PHF12: variants seen among roughly 807,000 people sequenced by gnomAD.
PHF12 encodes the protein PHD factor 1.
Under a neutral mutation model 99.8 loss-of-function variants are expected in PHF12, and 6 were observed. The ratio of observed to expected loss-of-function variants is 0.06; its 90% CI spans 0.03 to 0.12. PHF12 has a LOEUF of 0.12. Among genes scored for constraint, PHF12 ranks in the 10% least tolerant of loss-of-function variants. The pLI is 1.00. For synonymous variants in PHF12, 480 were observed against 514.9 expected, an observed-to-expected ratio of 0.93 and a Z score of 0.92; for missense variants, 954 against 1,300.1, an observed-to-expected ratio of 0.73 and a Z score of 4.09.
intron 3 of PHF12, chr17:28,925,861 TCCA>T (rs2152668194): frequency 1.3e-5 from 2 of 152,362 alleles, no homozygotes; most frequent in South Asian, 2.1e-4. Flanking sequence ...TTTCCTTTTC[TCCA>T]CCGTCTTTAC....
In PHF12 at chr17:28,919,288, G is replaced by C; in HGVS notation, c.837-13C>G. On this transcript the variant is annotated splice_polypyrimidine_tract_variant and intron_variant, in intron 5 of 14. Transcript: ENST00000332830. ...CACACGGCAACTCCTGCAAAAAAGAGATGTTGGCCATTTCTGTGGCAAGAA... is the reference window on the plus strand; with the variant it reads ...CACACGGCAACTCCTGCAAAAAAGACATGTTGGCCATTTCTGTGGCAAGAA... The C allele has an allele frequency of 6.2e-7, 1 of 1,611,238 alleles. No homozygotes were observed. The highest frequency in any genetic ancestry group is 1.1e-5 in the South Asian group (1 of 90,898).
At position 28,912,698 on chromosome 17, in the gene PHF12, G is replaced by A. The variant is rs767685140; in HGVS notation, c.1873C>T (p.Pro625Ser). 6 of 1,614,112 alleles carry A rather than the reference G, an allele frequency of 3.7e-6. No homozygotes were observed. The highest frequency in any genetic ancestry group is 2.5e-6 in the Non-Finnish European group (3 of 1,180,050). The change falls in exon 9 of 15, where the codon CCC becomes TCC. Residue 625 changes from proline (P) to serine (S), a missense_variant. Around this residue, in one of 8 missense-constraint regions of PHF12, gnomAD observed 392 missense variants for 423.1 expected, o/e 0.93. Transcript: ENST00000332830. ...GCACAAGAGCTGGGAATGGAAGGGG[G>A]CAGGCTTGGGACAGGAACCAAACTC... ...QRSLVPVPSL[P>S]PSIPSSCASI... is the part of the protein sequence containing the mutation.
intron 2 of PHF12, among the ~76,000 whole-genome samples, chr17:28,927,322 T>C (rs1021064311): frequency 6.6e-6 from 1 of 152,060 alleles, no homozygotes; most frequent in African/African-American, 2.4e-5. Context: ...ATAAAATAAC[T>C]GAGAGGTCCT....
chr17:28,921,591 G>T, intron 5 of PHF12, 97 bp downstream of exon 5: 1 of 1,448,374 alleles, frequency 6.9e-7, no homozygotes, highest in Non-Finnish European at 9.5e-7. Context: ...AATATGGGCT[G>T]TTCACATTTA....
chr17:28,930,938 G>A (rs2040387760), intron 2 of PHF12, among the ~76,000 whole-genome samples: 1 of 152,156 alleles, frequency 6.6e-6, no homozygotes. Flanking sequence ...CAGGTGAGGC[G>A]GCATGAGCCT....
rs188805936 is a variant in PHF12, at chr17:28,945,391, T to C, written c.248+4674A>G. The C allele has an allele frequency of 2.0e-5, 3 of 152,334 alleles. No individual in the cohort carries two copies. In the East Asian group the frequency reaches 5.8e-4, roughly 29 times the overall value. 9.4% of individuals were successfully genotyped at this position (152,334 alleles called of 1,614,324 possible). Reference sequence around the variant, plus strand: ...GTGCACAGAGACCTTTTTACTCTCATTCTTCGAAAACCTCATTTTGGATCT... The same window carrying C: ...GTGCACAGAGACCTTTTTACTCTCACTCTTCGAAAACCTCATTTTGGATCT... On this transcript the variant is annotated intron_variant, in intron 2 of 14. Transcript: ENST00000332830.
intron 11 of PHF12, chr17:28,909,358 A>G (rs75423054): frequency 0.016 from 2,493 of 157,706 alleles, 58 homozygotes; most frequent in African/African-American, 0.057. Context: ...CAAAAAACCA[A>G]TGCATTGAGC....
intron 13 of PHF12, 191 bp downstream of exon 13, chr17:28,907,399 A>G (rs909425980): frequency 1.7e-6 from 1 of 593,838 alleles, no homozygotes; most frequent in African/African-American, 1.9e-5. Context: ...TGCTCCTGGG[A>G]AGCAGGTAGC....
intron 5 of PHF12, among the ~76,000 whole-genome samples, chr17:28,920,799 G>C (rs1332278621): frequency 2.0e-5 from 3 of 152,224 alleles, no homozygotes; most frequent in Admixed American, 6.5e-5. Context: ...CTGACCTCAT[G>C]ATCTGCCCGC....
At chr17:28,919,891 T>G (rs1458239457) in intron 5 of PHF12, among the ~76,000 whole-genome samples, 1 of 152,100 alleles carries the variant, frequency 6.6e-6, no homozygotes, top group Non-Finnish European at 1.5e-5. Context: ...AGTGGCAGAG[T>G]AGGGATGATC....
intron 2 of PHF12, among the ~76,000 whole-genome samples, chr17:28,944,314 T>G (rs2040681552): frequency 6.6e-6 from 1 of 152,334 alleles, no homozygotes; most frequent in East Asian, 1.9e-4. Flanking sequence ...AGGCCTTAAG[T>G]GAAAAATTTC....
chr17:28,919,072 T>C, intron 6 of PHF12, 71 bp downstream of exon 6: 2 of 1,513,818 alleles, frequency 1.3e-6, no homozygotes, highest in Non-Finnish European at 1.8e-6. Context: ...CTGACCTTAA[T>C]ATGCTTTCTG....
At position 28,951,199 on chromosome 17, in the gene PHF12, A is replaced by C. The variant is rs1267622615; in HGVS notation, c.-239T>G. On this transcript the variant is annotated 5_prime_UTR_variant, in exon 1 of 15. Coordinates refer to ENST00000332830, the MANE Select transcript of PHF12 (RefSeq NM_001033561.2). ...CAGTCCCGGCCCGGCTGCTGGCTGC[A>C]CAGTGGGTCCCGGCTCCGGGGGTCA... 7.2e-7 allele frequency: 1 copy of C among 1,384,888 alleles called. No individual in the cohort carries two copies. Among genetic ancestry groups the C allele is most frequent in the Non-Finnish European group, 9.3e-7 (1 of 1,072,046 alleles). 85.8% of individuals were successfully genotyped at this position (1,384,888 alleles called of 1,614,324 possible).
In PHF12 at chr17:28,917,428, G is replaced by A; in HGVS notation, c.991C>T (p.Leu331=). ...TCAAACACCTGGCACCGATTGCTCA[G>A]TGTCATATTCTTCTGGTTCAGCTAG... The part of the protein sequence containing the change: ...HVVLNQKNMT[L]SNRCQVFDRF... The change falls in exon 7 of 15, where the codon CTG becomes TTG. Residue 331 remains leucine (L), a synonymous_variant. Coordinates refer to ENST00000332830, the MANE Select transcript of PHF12 (RefSeq NM_001033561.2). The A allele has an allele frequency of 6.2e-7, 1 of 1,612,014 alleles. No individual in the cohort carries two copies. Among genetic ancestry groups the A allele is most frequent in the South Asian group, 1.1e-5 (1 of 90,800 alleles).
intron 2 of PHF12, among the ~76,000 whole-genome samples, chr17:28,933,738 T>G (rs2040456926): frequency 6.6e-6 from 1 of 152,054 alleles, no homozygotes; most frequent in South Asian, 2.1e-4. Context: ...GCAAACAAAT[T>G]ATCATCTACC....
intron 3 of PHF12, chr17:28,924,989 A>G: frequency 6.6e-6 from 1 of 152,146 alleles, no homozygotes; most frequent in Non-Finnish European, 1.5e-5. Flanking sequence ...ATCACTATAG[A>G]GCCTTCTGAC....
Position 28,906,088 on chromosome 17 carries a change from G to A in PHF12, c.*95C>T, listed in dbSNP as rs1598112458. Reference sequence around the variant, plus strand: ...GATTGTAGTTGAAGGGTTTCTGGTAGAGTATAGAAAACACCCGGGCTTGGT... The same window carrying A: ...GATTGTAGTTGAAGGGTTTCTGGTAAAGTATAGAAAACACCCGGGCTTGGT... On this transcript the variant is annotated 3_prime_UTR_variant, in exon 15 of 15. Coordinates refer to ENST00000332830, the MANE Select transcript of PHF12 (RefSeq NM_001033561.2). The surrounding 1 kb of genome is among the most constrained non-coding windows in gnomAD (Gnocchi z 4.2). 1 of 1,191,322 alleles carries A rather than the reference G, an allele frequency of 8.4e-7. No homozygotes were observed. Among genetic ancestry groups the A allele is most frequent in the Non-Finnish European group, 1.2e-6 (1 of 867,778 alleles). The allele number at this position is 1,191,322 out of a possible 1,614,324, so 73.8% of individuals were successfully genotyped here. A position where few individuals can be genotyped will look rare whatever the true frequency, so the allele number is the denominator to read the frequency against.
At chr17:28,917,671 G>A (rs548471521) in intron 6 of PHF12, among the ~76,000 whole-genome samples, 1 of 152,294 alleles carries the variant, frequency 6.6e-6, no homozygotes, top group Non-Finnish European at 1.5e-5. Context: ...ATATGTTCCT[G>A]TTCCCTAGAG....
Position 28,951,033 on chromosome 17 carries a change from A to G in PHF12, c.-73T>C. The G allele has an allele frequency of 6.2e-7, 1 of 1,603,448 alleles. No homozygotes were observed. The highest frequency in any genetic ancestry group is 2.3e-5 in the East Asian group (1 of 44,418). On this transcript the variant is annotated 5_prime_UTR_variant, in exon 1 of 15. Transcript: ENST00000332830. ...CCGGGGGGAGGGGGGAGGTGAGGGG[A>G]GGGGGCGCTCCTGACCCCGGCCCCG...
Sources: allele counts gnomAD v4.1 joint callset (sites outside exome capture counted in the v4.1 genomes callset), GRCh38; gene constraint gnomAD v4.1.1; regional missense constraint gnomAD v4.1.1; non-coding constraint Gnocchi (gnomAD v3.1); transcripts MANE v1.5; gene names NCBI Gene and HGNC (gene_info 2026-07-23, HGNC 2026-07-21).